Variants in MPRIP observed in about 807,000 individuals in gnomAD.
The protein encoded by MPRIP is myosin phosphatase Rho-interacting protein.
In MPRIP, 59 loss-of-function variants were observed where a neutral mutation model predicts 234.9. The ratio of observed to expected loss-of-function variants is 0.25; its 90% CI spans 0.20 to 0.31. The LOEUF (loss-of-function observed/expected upper bound fraction) is 0.31, where lower values mean the gene tolerates loss of function less well. Ranked by LOEUF, MPRIP falls within the 10% of genes least tolerant of loss-of-function variation. The pLI, the probability that MPRIP is intolerant of heterozygous loss-of-function variation, is 1.00. For synonymous variants in MPRIP, 1,144 were observed against 1,263.9 expected, an observed-to-expected ratio of 0.91 and a Z score of 2.01; for missense variants, 2,436 against 3,071.0, an observed-to-expected ratio of 0.79 and a Z score of 4.89.
chr17:17,155,047 C>T (rs1460682806), intron 13 of MPRIP, among the ~76,000 whole-genome samples: 4 of 152,164 alleles, frequency 2.6e-5, no homozygotes, highest in African/African-American at 7.2e-5. Context: ...GAGAAGATTC[C>T]AGTGTGGGGG....
intron 11 of MPRIP, among the ~76,000 whole-genome samples, chr17:17,149,359 G>A (rs1427254447): frequency 6.6e-6 from 1 of 152,092 alleles, no homozygotes; most frequent in African/African-American, 2.4e-5. Flanking sequence ...TGGGCTTGGT[G>A]GTGGTCATCT....
chr17:17,130,998 G>T (rs1413705542), intron 4 of MPRIP, among the ~76,000 whole-genome samples: 1 of 152,182 alleles, frequency 6.6e-6, no homozygotes, highest in Admixed American at 6.5e-5. Flanking sequence ...CGTCCTGCTG[G>T]CAGCGCCTGC....
At chr17:17,074,991 G>T (rs1318221547) in intron 1 of MPRIP, among the ~76,000 whole-genome samples, 1 of 152,030 alleles carries the variant, frequency 6.6e-6, no homozygotes, top group African/African-American at 2.4e-5. Context: ...CGTTTTCTTG[G>T]GTGTGTATAC....
intron 3 of MPRIP, among the ~76,000 whole-genome samples, chr17:17,079,397 G>A (rs1272004802): frequency 6.6e-6 from 1 of 152,222 alleles, no homozygotes; most frequent in Non-Finnish European, 1.5e-5. Context: ...GGACTTGGCT[G>A]GAAGTAGGAG....
At chr17:17,087,589 C>T (rs191359734) in intron 3 of MPRIP, among the ~76,000 whole-genome samples, 4 of 152,306 alleles carry the variant, frequency 2.6e-5, no homozygotes, top group Admixed American at 6.5e-5. Flanking sequence ...TGGCCAGACG[C>T]GAGTCCTCCC....
chr17:17,074,180 G>A (rs764687675), intron 1 of MPRIP, among the ~76,000 whole-genome samples: 8 of 152,258 alleles, frequency 5.3e-5, no homozygotes, highest in Non-Finnish European at 1.2e-4. Context: ...GAGGACCCAT[G>A]AGGGGTCCTG....
intron 1 of MPRIP, among the ~76,000 whole-genome samples, chr17:17,054,370 C>T (rs559241012): frequency 1.3e-5 from 2 of 152,340 alleles, no homozygotes; most frequent in Admixed American, 6.5e-5. Flanking sequence ...TTATCGTAGA[C>T]TTGATGACTT....
At chr17:17,050,964 T>C (rs1437408420) in intron 1 of MPRIP, among the ~76,000 whole-genome samples, 4 of 152,254 alleles carry the variant, frequency 2.6e-5, no homozygotes, top group Non-Finnish European at 5.9e-5. Flanking sequence ...TGATTTCTCT[T>C]TCCCTTGCCA....
intron 1 of MPRIP, among the ~76,000 whole-genome samples, chr17:17,045,212 A>T (rs1324179431): frequency 6.6e-6 from 1 of 152,150 alleles, no homozygotes; most frequent in Non-Finnish European, 1.5e-5. Flanking sequence ...AGAGGAGAGG[A>T]TACTGGGCCC....
At chr17:17,132,890 C>T (rs1311019312) in intron 5 of MPRIP, among the ~76,000 whole-genome samples, 1 of 152,208 alleles carries the variant, frequency 6.6e-6, no homozygotes, top group Non-Finnish European at 1.5e-5. Flanking sequence ...ACGTAAATCC[C>T]CCAAAGCTTC....
chr17:17,054,674 T>C (rs888864057), intron 1 of MPRIP, among the ~76,000 whole-genome samples: 1 of 152,138 alleles, frequency 6.6e-6, no homozygotes, highest in Non-Finnish European at 1.5e-5. Flanking sequence ...TTTTTTTTTT[T>C]TCCTCAACAT....
Position 17,185,600 on chromosome 17 carries a change from G to A in MPRIP, c.*706G>A, listed in dbSNP as rs770954999. ...CCTTCCTTCCTTCCTTCCTTCCTCCGCTCGTTCCTTTCTTGGTCTCCAGTA... is the reference window on the plus strand; with the variant it reads ...CCTTCCTTCCTTCCTTCCTTCCTCCACTCGTTCCTTTCTTGGTCTCCAGTA... On this transcript the variant is annotated 3_prime_UTR_variant, in exon 24 of 24. Coordinates refer to ENST00000651222, the MANE Select transcript of MPRIP (RefSeq NM_001364716.4). The A allele has an allele frequency of 3.0e-5, 13 of 429,752 alleles. No homozygotes were observed. The highest frequency in any genetic ancestry group is 3.3e-4 in the Middle Eastern group (1 of 3,012). The allele number at this position is 429,752 out of a possible 1,614,324, so 26.6% of individuals were successfully genotyped here.
chr17:17,176,670 G>T (rs2046261765), intron 21 of MPRIP, among the ~76,000 whole-genome samples, 158 bp downstream of exon 21: 1 of 152,222 alleles, frequency 6.6e-6, no homozygotes, highest in African/African-American at 2.4e-5. Context: ...TAAAAGACCA[G>T]CCTGCAGGCA....
At chr17:17,144,231 G>A (rs1327449092) in intron 9 of MPRIP, among the ~76,000 whole-genome samples, 1 of 152,218 alleles carries the variant, frequency 6.6e-6, no homozygotes, top group Non-Finnish European at 1.5e-5. Context: ...CCTGGGGCCT[G>A]CTCACTGCCT....
At chr17:17,090,531 C>A (rs1198661028) in intron 3 of MPRIP, among the ~76,000 whole-genome samples, 1 of 152,088 alleles carries the variant, frequency 6.6e-6, no homozygotes, top group Admixed American at 6.5e-5. Context: ...TGTTGGGGTT[C>A]ATCAGTGGTG....
chr17:17,090,480 G>T (rs748829893), intron 3 of MPRIP, among the ~76,000 whole-genome samples: 1 of 152,156 alleles, frequency 6.6e-6, no homozygotes, highest in African/African-American at 2.4e-5. Context: ...GGTGGCTGGG[G>T]AATGCTTTGT....
intron 7 of MPRIP, among the ~76,000 whole-genome samples, chr17:17,139,129 G>A (rs901660360): frequency 7.9e-5 from 12 of 152,242 alleles, no homozygotes; most frequent in Non-Finnish European, 1.8e-4. Flanking sequence ...GACTGCTGCC[G>A]AAGAAGATGA....
At chr17:17,105,055 C>T (rs2090036885) in intron 3 of MPRIP, among the ~76,000 whole-genome samples, 1 of 152,194 alleles carries the variant, frequency 6.6e-6, no homozygotes, top group Admixed American at 6.5e-5. Context: ...TTCCCTGTCA[C>T]AGTCCACTTT....
At position 17,172,702 on chromosome 17, in the gene MPRIP, C is replaced by A; in HGVS notation, c.6477C>A (p.Ile2159=). 1 of 1,610,778 alleles carries A rather than the reference C, an allele frequency of 6.2e-7. No homozygotes were observed. Among genetic ancestry groups the A allele is most frequent in the South Asian group, 1.1e-5 (1 of 90,978 alleles). ...AEETAATISA[I]EAMKNAHREE... ...AGGCCGTGTCCTTGCCTGCAGCCAT[C>A]GAAGCCATGAAGAACGCCCACCGGG... The change falls in exon 18 of 24, where the codon ATC becomes ATA. Residue 2159 remains isoleucine (I), a synonymous_variant. Transcript: ENST00000651222.
Sources: gnomAD v4.1 joint callset for allele counts (sites outside exome capture counted in the v4.1 genomes callset) on GRCh38, gnomAD v4.1.1 for gene constraint, MANE v1.5 for transcripts, NCBI Gene and HGNC (gene_info 2026-07-23, HGNC 2026-07-21) for gene names.